Variants in EXOC6B observed in about 807,000 individuals in gnomAD.
The protein encoded by EXOC6B is SEC15 homolog B.
In EXOC6B, 54 loss-of-function variants were observed where a neutral mutation model predicts 113.5. The observed-to-expected ratio is 0.48, with a 90% confidence interval of 0.38 to 0.60. EXOC6B has a LOEUF of 0.60. Among genes scored for constraint, EXOC6B ranks in the 20% least tolerant of loss-of-function variants. The pLI, the probability that EXOC6B is intolerant of heterozygous loss-of-function variation, is 0.00. For missense variants in EXOC6B, 797 were observed against 977.5 expected, an observed-to-expected ratio of 0.82 and a Z score of 2.46; for synonymous variants, 357 against 339.0, an observed-to-expected ratio of 1.05 and a Z score of -0.58.
chr2:72,473,579 G>A (rs2105457037), intron 17 of EXOC6B, among the ~76,000 whole-genome samples: 2 of 151,862 alleles, frequency 1.3e-5, no homozygotes, highest in East Asian at 3.9e-4. Context: ...GGTAAATTAT[G>A]TTTCTTGTAG....
intron 8 of EXOC6B, among the ~76,000 whole-genome samples, chr2:72,543,195 G>A (rs1183488566): frequency 1.3e-5 from 2 of 152,022 alleles, no homozygotes; most frequent in Non-Finnish European, 2.9e-5. Flanking sequence ...CCAGAAATGA[G>A]GTGAGAGAGT....
At chr2:72,759,953 G>A (rs1419314908) in intron 1 of EXOC6B, among the ~76,000 whole-genome samples, 1 of 152,128 alleles carries the variant, frequency 6.6e-6, no homozygotes, top group Non-Finnish European at 1.5e-5. Context: ...CAGAACAAGG[G>A]AGTTGCGTCA....
chr2:72,489,953 C>T (rs1699653062), intron 16 of EXOC6B, among the ~76,000 whole-genome samples: 1 of 151,972 alleles, frequency 6.6e-6, no homozygotes, highest in Non-Finnish European at 1.5e-5. Flanking sequence ...TGTGTAACCC[C>T]AAAACAGAGC....
chr2:72,563,518 CAA>C (rs1425439188), intron 7 of EXOC6B, among the ~76,000 whole-genome samples: 1 of 151,512 alleles, frequency 6.6e-6, no homozygotes, highest in Admixed American at 6.6e-5. Context: ...GTATAGATGA[CAA>C]AAAAGAGTCT....
Position 72,726,606 on chromosome 2 carries a change from C to T in EXOC6B, c.464+4401G>A, listed in dbSNP as rs183662778. The stretch of plus-strand genomic sequence containing the variant: ...CTTTAAAAGTTACAGCAAAAATGAA[C>T]ATGTGTGGCACTACACTATATTGTT... On this transcript the variant is annotated intron_variant, in intron 5 of 21. Transcript: ENST00000272427. Among the ~76,000 whole-genome samples the T allele has an allele frequency of 4.5e-3, 688 of 152,152 alleles. 8 individuals carry two copies. Among genetic ancestry groups the T allele is most frequent in the Non-Finnish European group, 4.5e-3 (308 of 67,980 alleles).
At chr2:72,555,108 G>A (rs1573383970) in intron 8 of EXOC6B, among the ~76,000 whole-genome samples, 1 of 152,192 alleles carries the variant, frequency 6.6e-6, no homozygotes, top group South Asian at 2.1e-4. Context: ...TGGCTGCATA[G>A]TATTCCATGG....
At chr2:72,719,113 G>A (rs907834899) in intron 5 of EXOC6B, among the ~76,000 whole-genome samples, 2 of 152,196 alleles carry the variant, frequency 1.3e-5, no homozygotes, top group East Asian at 3.9e-4. Context: ...CTTGCCTGGG[G>A]CTACTTCCAA....
intron 7 of EXOC6B, among the ~76,000 whole-genome samples, chr2:72,562,695 T>G (rs186615449): frequency 1.1e-4 from 16 of 152,278 alleles, no homozygotes; most frequent in Non-Finnish European, 1.6e-4. Context: ...TGATAAGAGA[T>G]AACTTTGTGG....
At chr2:72,182,949 GT>G in intron 21 of EXOC6B, 2 of 1,215,330 alleles carry the variant, frequency 1.6e-6, no homozygotes, top group Non-Finnish European at 2.1e-6. Flanking sequence ...GGGAAACAAA[GT>G]TAAAATGGAA....
intron 18 of EXOC6B, among the ~76,000 whole-genome samples, chr2:72,397,922 G>A (rs981559351): frequency 6.6e-6 from 1 of 152,020 alleles, no homozygotes; most frequent in South Asian, 2.1e-4. Context: ...AGAGAAAGGA[G>A]GGAAATAAGA....
chr2:72,342,610 A>G (rs1689096879), intron 19 of EXOC6B, among the ~76,000 whole-genome samples: 1 of 152,126 alleles, frequency 6.6e-6, no homozygotes, highest in South Asian at 2.1e-4. Flanking sequence ...AAATACAGCC[A>G]TTTTGGTAAA....
Position 72,547,267 on chromosome 2 carries a change from G to A in EXOC6B, c.915+12186C>T, listed in dbSNP as rs547973763. On this transcript the variant is annotated intron_variant, in intron 8 of 21. Transcript: ENST00000272427. ...TGGAGCAGAATTCAATAAAAATGAA[G>A]TTCTTATGATTCATATAATACTGGG... Among the ~76,000 whole-genome samples, 5 of 152,262 alleles carry A rather than the reference G, an allele frequency of 3.3e-5. No individual in the cohort carries two copies. The South Asian group carries it at 1.0e-3, about 32-fold the overall frequency.
chr2:72,815,921 G>GGC (rs1302320190), intron 1 of EXOC6B, among the ~76,000 whole-genome samples: 2 of 152,190 alleles, frequency 1.3e-5, no homozygotes, highest in Non-Finnish European at 2.9e-5. Context: ...TACTTTGGGA[G>GGC]GCCAAGGCGG....
At chr2:72,444,048 T>C (rs921821606) in intron 18 of EXOC6B, among the ~76,000 whole-genome samples, 6 of 152,206 alleles carry the variant, frequency 3.9e-5, no homozygotes, top group African/African-American at 7.2e-5. Flanking sequence ...CTTCCACCTA[T>C]GATCCTGTAA....
At chr2:72,600,978 G>A (rs1048872730) in intron 6 of EXOC6B, among the ~76,000 whole-genome samples, 5 of 151,726 alleles carry the variant, frequency 3.3e-5, no homozygotes, top group African/African-American at 4.8e-5. Flanking sequence ...AGGATTCAAC[G>A]AATACCTCAT....
chr2:72,296,427 G>C (rs1014023951), intron 20 of EXOC6B, among the ~76,000 whole-genome samples: 5 of 152,048 alleles, frequency 3.3e-5, no homozygotes, highest in African/African-American at 1.2e-4. Flanking sequence ...AAGTTCTAAA[G>C]AACTCCATAA....
At position 72,460,104 on chromosome 2, in the gene EXOC6B, G is replaced by T. The variant is rs1026040033; in HGVS notation, c.1980+5056C>A. Among the ~76,000 whole-genome samples, 1,137 of 152,096 alleles carry T rather than the reference G, an allele frequency of 7.5e-3. 17 individuals carry two copies. The highest frequency in any genetic ancestry group is 0.025 in the African/African-American group (1,032 of 41,462). Reference sequence around the variant, plus strand: ...AAACCTGAGAAAAACAAGAAATGGGGAAAGGATTCCCTATTTAATAAATGG... The same window carrying T: ...AAACCTGAGAAAAACAAGAAATGGGTAAAGGATTCCCTATTTAATAAATGG... On this transcript the variant is annotated intron_variant, in intron 18 of 21. Transcript: ENST00000272427.
intron 6 of EXOC6B, among the ~76,000 whole-genome samples, chr2:72,673,925 C>T (rs139612503): frequency 0.011 from 1,686 of 152,006 alleles, 14 homozygotes; most frequent in Non-Finnish European, 0.019. Context: ...CAGCAAGACC[C>T]ATAACAGAAA....
chr2:72,781,903 C>A (rs937909412), intron 1 of EXOC6B, among the ~76,000 whole-genome samples: 1 of 151,974 alleles, frequency 6.6e-6, no homozygotes, highest in Non-Finnish European at 1.5e-5. Context: ...CTTTGGGAGG[C>A]CGAGGTGGGA....
Sources: gnomAD v4.1 joint callset for allele counts (sites outside exome capture counted in the v4.1 genomes callset) on GRCh38, gnomAD v4.1.1 for gene constraint, MANE v1.5 for transcripts, NCBI Gene and HGNC (gene_info 2026-07-23, HGNC 2026-07-21) for gene names.